The following MYO16 variants were observed in gnomAD, a reference collection of about 807,000 sequenced individuals.
MYO16 encodes myosin XVI.
MYO16 carries 94 observed loss-of-function variants against 205.3 expected under a neutral mutation model. The observed-to-expected ratio is 0.46, with a 90% CI of 0.39 to 0.54. MYO16 has a LOEUF of 0.54. Ranked by LOEUF, MYO16 falls within the 20% of genes least tolerant of loss-of-function variation. The pLI, the probability that MYO16 is intolerant of heterozygous loss-of-function variation, is 0.00. For synonymous variants in MYO16, 988 were observed against 954.0 expected (o/e 1.04, Z -0.66); for missense variants, 2,315 against 2,387.5 (o/e 0.97, Z 0.63).
intron 31 of MYO16, among the ~76,000 whole-genome samples, chr13:109,139,747 CAG>C (rs1876948940): frequency 6.6e-6 from 1 of 152,140 alleles, no homozygotes; most frequent in Non-Finnish European, 1.5e-5. Flanking sequence ...GCTAACAGAA[CAG>C]AAAATTTTAC....
intron 2 of MYO16, among the ~76,000 whole-genome samples, chr13:108,701,723 C>G (rs1323301445): frequency 6.6e-6 from 1 of 151,980 alleles, no homozygotes; most frequent in Non-Finnish European, 1.5e-5. Flanking sequence ...GAATCTGTGT[C>G]TGAGAGAGCC....
Position 109,055,089 on chromosome 13 carries a change from A to T in MYO16, c.3092A>T (p.Glu1031Val), listed in dbSNP as rs1255616504. Residue 1031 changes from glutamate to valine, a missense_variant, in exon 26 of 35, where the codon GAA (glutamate) becomes GTA (valine). This residue lies in a region of MYO16 where 1,213 missense variants were observed against 1,274.4 expected (regional missense o/e 0.95). Coordinates refer to ENST00000457511, the MANE Select transcript of MYO16 (RefSeq NM_001198950.3). The surrounding 1 kb of genome is among the most constrained non-coding windows in gnomAD (Gnocchi z 5.0). Reference protein sequence around the residue: ...KGTSTFLQRLERGDPVTIASQ... With the variant: ...KGTSTFLQRLVRGDPVTIASQ... ...ACTTCTACATTTCTTCAAAGATTGG[A>T]ACGAGGAGATCCAGTCACCATAGCA... 1 of 1,588,112 alleles carries T rather than the reference A, an allele frequency of 6.3e-7. No homozygotes were observed. The highest frequency in any genetic ancestry group is 2.3e-5 in the East Asian group (1 of 44,180).
chr13:108,524,321 AAT>A, the MYO16 span, among the ~76,000 whole-genome samples: 20 of 151,170 alleles, frequency 1.3e-4, no homozygotes, highest in East Asian at 1.9e-4. Context: ...AAAATAAATA[AAT>A]AAATAAATAA....
chr13:108,904,327 C>T (rs894228291), intron 15 of MYO16, among the ~76,000 whole-genome samples: 5 of 152,150 alleles, frequency 3.3e-5, no homozygotes, highest in Admixed American at 6.6e-5. Context: ...TATAAAACAT[C>T]GTACTATCAT....
intron 11 of MYO16, among the ~76,000 whole-genome samples, chr13:108,856,639 A>AT (rs34469246): frequency 0.27 from 41,283 of 151,338 alleles, 5,913 homozygotes; most frequent in East Asian, 0.44. Context: ...TATTGTGTTG[A>AT]TTTTTTTTGT....
chr13:108,800,624 A>G (rs1886942896), intron 6 of MYO16, among the ~76,000 whole-genome samples: 1 of 152,224 alleles, frequency 6.6e-6, no homozygotes, highest in Non-Finnish European at 1.5e-5. Flanking sequence ...TTATGATGAA[A>G]TACATGAAGA....
chr13:109,148,583 T>C (rs1877470197), intron 32 of MYO16, among the ~76,000 whole-genome samples: 1 of 152,198 alleles, frequency 6.6e-6, no homozygotes, highest in Non-Finnish European at 1.5e-5. Context: ...ATTTCTAACC[T>C]GAGGGCCATA....
Position 109,040,381 on chromosome 13 carries a change from C to G in MYO16, c.2797-6535C>G, listed in dbSNP as rs1463170089. Among the ~76,000 whole-genome samples, 34 of 72,536 alleles carry G rather than the reference C, an allele frequency of 4.7e-4. No individual in the cohort carries two copies. The East Asian group carries it at 0.011, about 23-fold the overall frequency. The allele number at this position is 72,536 out of a possible 152,430, so 47.6% of individuals were successfully genotyped here. On this transcript the variant is annotated intron_variant, in intron 23 of 34. Transcript: ENST00000457511. ...TAGCATACACACACACACACACACA[C>G]ACACAGAGAGAGAGAGAGAGAGAGA...
chr13:108,805,918 C>A (rs570691857), intron 6 of MYO16, among the ~76,000 whole-genome samples: 2 of 43,446 alleles, frequency 4.6e-5, no homozygotes, highest in East Asian at 2.8e-3. Context: ...TAAAACTAGT[C>A]TCTACCAAAA....
At chr13:109,041,705 A>G (rs184612846) in intron 23 of MYO16, among the ~76,000 whole-genome samples, 2 of 152,348 alleles carry the variant, frequency 1.3e-5, no homozygotes, top group Non-Finnish European at 2.9e-5. Context: ...TAAAGAGTAC[A>G]CAAGATTTAT....
rs1195133495 is a variant in MYO16, at chr13:108,910,224, T to C, written c.1925+74T>C. 8 of 1,458,986 alleles carry C rather than the reference T, an allele frequency of 5.5e-6. No homozygotes were observed. The South Asian group carries it at 7.4e-5, about 13-fold the overall frequency. The allele number at this position is 1,458,986 out of a possible 1,614,324, so 90.4% of individuals were successfully genotyped here. ...ATTGCAATTTGGTAGTCTTAAATTA[T>C]CTTCTTACTTTTCAGAGACAAAATG... On this transcript the variant is annotated intron_variant, in intron 16 of 34. Transcript: ENST00000457511.
intron 32 of MYO16, among the ~76,000 whole-genome samples, chr13:109,147,054 G>A (rs1004861906): frequency 4.0e-5 from 6 of 151,712 alleles, no homozygotes; most frequent in Non-Finnish European, 7.4e-5. Context: ...CCTGATTCTC[G>A]AAGCCAGGGC....
At chr13:108,738,644 C>T (rs1371509372) in intron 4 of MYO16, among the ~76,000 whole-genome samples, 1 of 152,072 alleles carries the variant, frequency 6.6e-6, no homozygotes, top group South Asian at 2.1e-4. Flanking sequence ...CTGTAGATGT[C>T]TATTAGGTCC....
Position 109,055,550 on chromosome 13 carries a change from G to C in MYO16, c.3290G>C (p.Arg1097Pro), listed in dbSNP as rs756747037. ...GTCCTGGAGATGGTGAAGATCTTCCGATATGGATACCCTGTTCGCCTTTCC... is the reference window on the plus strand; with the variant it reads ...GTCCTGGAGATGGTGAAGATCTTCCCATATGGATACCCTGTTCGCCTTTCC... ...IGVLEMVKIF[R>P]YGYPVRLSFS... The change falls in exon 27 of 35, where the codon CGA (arginine) becomes CCA (proline). Residue 1097 changes from arginine to proline, a missense_variant. Arg to Pro is a moderately radical substitution (Grantham distance 103). Around this residue, in one of 3 missense-constraint regions of MYO16, gnomAD observed 1,097 missense variants for 1,092.0 expected, o/e 1.00. Transcript: ENST00000457511. The surrounding 1 kb of genome is among the most constrained non-coding windows in gnomAD (Gnocchi z 5.0). The C allele has an allele frequency of 6.2e-7, 1 of 1,612,784 alleles. No homozygotes were observed. The highest frequency in any genetic ancestry group is 8.5e-7 in the Non-Finnish European group (1 of 1,179,406).
At chr13:109,181,322 T>C (rs1461111961) in intron 34 of MYO16, among the ~76,000 whole-genome samples, 1 of 152,262 alleles carries the variant, frequency 6.6e-6, no homozygotes, top group Non-Finnish European at 1.5e-5. Flanking sequence ...ATGAGACAGA[T>C]TCCTTACTGG....
chr13:109,040,416 A>AGAGAGAGAG (rs375579978), intron 23 of MYO16, among the ~76,000 whole-genome samples: 11 of 149,686 alleles, frequency 7.3e-5, no homozygotes, highest in South Asian at 2.1e-4. Flanking sequence ...AGAGAGAGAG[A>AGAGAGAGAG]AAATTAAAAA....
chr13:108,882,774 T>C (rs1349892010), intron 12 of MYO16, among the ~76,000 whole-genome samples: 1 of 152,210 alleles, frequency 6.6e-6, no homozygotes, highest in Middle Eastern at 3.2e-3. Flanking sequence ...AGATATCTAT[T>C]AAAGAACATA....
At chr13:108,796,785 G>T (rs1886803993) in intron 6 of MYO16, among the ~76,000 whole-genome samples, 1 of 106,590 alleles carries the variant, frequency 9.4e-6, no homozygotes, top group African/African-American at 3.4e-5. Flanking sequence ...GGGGAGCGGG[G>T]AGGGATAGCA....
intron 11 of MYO16, among the ~76,000 whole-genome samples, chr13:108,859,399 A>G (rs149434244): frequency 1.4e-4 from 21 of 152,356 alleles, no homozygotes; most frequent in African/African-American, 4.8e-4. Context: ...GGGTTGAGCA[A>G]TGATTTGTTT....
Sources: gnomAD v4.1 joint callset for allele counts (sites outside exome capture counted in the v4.1 genomes callset) on GRCh38, gnomAD v4.1.1 for gene constraint, gnomAD v4.1.1 regional missense constraint, Gnocchi (gnomAD v3.1) non-coding constraint, MANE v1.5 for transcripts, NCBI Gene and HGNC (gene_info 2026-07-23, HGNC 2026-07-21) for gene names.